SRD5A2: variants seen among roughly 807,000 people sequenced by gnomAD.
The protein encoded by SRD5A2 is steroid 5 alpha-reductase 2, also known as 3-oxo-5-alpha-steroid 4-dehydrogenase 2.
A neutral mutation model predicts 27.4 loss-of-function variants in SRD5A2; 30 were observed. The observed-to-expected ratio is 1.10, with a 90% CI of 0.82 to 1.49. SRD5A2 has a LOEUF of 1.49. Among genes scored for constraint, SRD5A2 ranks in the 40% most tolerant of loss-of-function variants. SRD5A2 has a pLI of 0.00. For synonymous variants in SRD5A2, 141 were observed against 133.6 expected (o/e 1.06, Z -0.38); for missense variants, 348 against 323.4 (o/e 1.08, Z -0.58).
At chr2:31,635,528 G>C in the SRD5A2 span, among the ~76,000 whole-genome samples, 2 of 151,908 alleles carry the variant, frequency 1.3e-5, no homozygotes, top group South Asian at 4.2e-4. Flanking sequence ...TGCTCCCTTT[G>C]CTTTTTAGAA....
At chr2:31,605,444 T>C in the SRD5A2 span, among the ~76,000 whole-genome samples, 1 of 146,230 alleles carries the variant, frequency 6.8e-6, no homozygotes, top group African/African-American at 2.6e-5. Flanking sequence ...AACAACTCTG[T>C]AGGAAAAAAA....
At chr2:31,649,176 C>T in the SRD5A2 span, among the ~76,000 whole-genome samples, 1 of 152,212 alleles carries the variant, frequency 6.6e-6, no homozygotes, top group Non-Finnish European at 1.5e-5. Flanking sequence ...ACATTTTAAA[C>T]AGCCGCTAGC....
chr2:31,595,237 A>G, the SRD5A2 span, among the ~76,000 whole-genome samples: 1 of 152,188 alleles, frequency 6.6e-6, no homozygotes. Context: ...GAAAGAAAAA[A>G]TCAATACAAA....
chr2:31,542,363 T>C (rs1666145741), intron 1 of SRD5A2, among the ~76,000 whole-genome samples: 1 of 152,162 alleles, frequency 6.6e-6, no homozygotes, highest in Non-Finnish European at 1.5e-5. Flanking sequence ...TTTATTTATT[T>C]ATCCAGGCAT....
At chr2:31,549,358 C>T (rs1240963160) in intron 1 of SRD5A2, among the ~76,000 whole-genome samples, 11 of 151,710 alleles carry the variant, frequency 7.3e-5, no homozygotes, top group East Asian at 1.9e-4. Context: ...ATGGTCCACC[C>T]GCCTCGGCCT....
At chr2:31,596,768 A>G in the SRD5A2 span, among the ~76,000 whole-genome samples, 11 of 152,096 alleles carry the variant, frequency 7.2e-5, no homozygotes, top group Admixed American at 2.6e-4. Context: ...AATAAAATAC[A>G]TAGAAATATA....
the SRD5A2 span, among the ~76,000 whole-genome samples, chr2:31,628,820 T>C: frequency 9.2e-3 from 1,394 of 152,318 alleles, 19 homozygotes; most frequent in South Asian, 0.028. Flanking sequence ...CTGTTAGTGT[T>C]ATGGGGTTCC....
At chr2:31,590,124 G>C in the SRD5A2 span, among the ~76,000 whole-genome samples, 1 of 152,066 alleles carries the variant, frequency 6.6e-6, no homozygotes, top group Admixed American at 6.5e-5. Context: ...TGCCCAAGTA[G>C]CATCAGACCT....
the SRD5A2 span, among the ~76,000 whole-genome samples, chr2:31,643,817 G>A: frequency 1.3e-5 from 2 of 152,154 alleles, no homozygotes; most frequent in Non-Finnish European, 2.9e-5. Flanking sequence ...AAATCCATGT[G>A]TCCATGCTGA....
Position 31,524,830 on chromosome 2 carries a change from G to C in SRD5A2, c.*1366C>G, listed in dbSNP as rs991103802. The C allele has an allele frequency of 1.8e-5, 4 of 226,518 alleles. No homozygotes were observed. In the South Asian group the frequency reaches 7.3e-4, roughly 42 times the overall value. 14.0% of individuals were successfully genotyped at this position (226,518 alleles called of 1,614,324 possible). A position where few individuals can be genotyped will look rare whatever the true frequency, so the allele number is the denominator to read the frequency against. On this transcript the variant is annotated 3_prime_UTR_variant, in exon 5 of 5. Transcript: ENST00000622030. ...CCATGTATTCCAATTACAAGCGTTC[G>C]GCCCCTTCCTTAGAGAGTCCATATC...
At chr2:31,642,663 G>A in the SRD5A2 span, among the ~76,000 whole-genome samples, 1 of 151,728 alleles carries the variant, frequency 6.6e-6, no homozygotes, top group Admixed American at 6.6e-5. Flanking sequence ...TCAACGCCAA[G>A]GTATTCATCC....
chr2:31,593,688 G>T, the SRD5A2 span, among the ~76,000 whole-genome samples: 1 of 152,136 alleles, frequency 6.6e-6, no homozygotes, highest in African/African-American at 2.4e-5. Flanking sequence ...AATACAAGAA[G>T]TTCAAAGAAC....
chr2:31,592,828 C>A, the SRD5A2 span, among the ~76,000 whole-genome samples: 11 of 152,098 alleles, frequency 7.2e-5, no homozygotes, highest in Admixed American at 5.9e-4. Context: ...AGACCCAAAC[C>A]AAGAATAAGT....
chr2:31,533,368 T>C (rs1038026698), intron 2 of SRD5A2, among the ~76,000 whole-genome samples: 1 of 152,186 alleles, frequency 6.6e-6, no homozygotes, highest in Non-Finnish European at 1.5e-5. Flanking sequence ...AAGGAATTTG[T>C]ATTTTATTTT....
the SRD5A2 span, among the ~76,000 whole-genome samples, chr2:31,639,689 T>C: frequency 1.3e-5 from 2 of 152,040 alleles, no homozygotes. Flanking sequence ...CTGGCCTGTA[T>C]GTTTCTATTT....
At chr2:31,553,609 A>G (rs1288173302) in intron 1 of SRD5A2, among the ~76,000 whole-genome samples, 1 of 152,232 alleles carries the variant, frequency 6.6e-6, no homozygotes, top group Non-Finnish European at 1.5e-5. Flanking sequence ...ACCAGAAGAC[A>G]GTGGAATGAC....
upstream of SRD5A2, among the ~76,000 whole-genome samples, chr2:31,585,225 G>C (rs1410444030): frequency 6.6e-6 from 1 of 152,132 alleles, no homozygotes; most frequent in Non-Finnish European, 1.5e-5. Context: ...GGCAGTTTAG[G>C]CCAAAAGAAC....
chr2:31,536,280 CA>C (rs1212742187), intron 1 of SRD5A2, among the ~76,000 whole-genome samples: 2 of 152,188 alleles, frequency 1.3e-5, no homozygotes, highest in Non-Finnish European at 2.9e-5. Flanking sequence ...CAAACAACTA[CA>C]AAGTATCAAA....
intron 1 of SRD5A2, 119 bp downstream of exon 1, chr2:31,580,501 C>G: frequency 7.8e-7 from 1 of 1,281,140 alleles, no homozygotes; most frequent in Non-Finnish European, 1.0e-6. Context: ...CCTCCGCGTT[C>G]CTCACAGCGC....
Sources: allele counts gnomAD v4.1 joint callset (sites outside exome capture counted in the v4.1 genomes callset), GRCh38; gene constraint gnomAD v4.1.1; transcripts MANE v1.5; gene names NCBI Gene and HGNC (gene_info 2026-07-23, HGNC 2026-07-21).